Variants in KIF14 observed in about 807,000 individuals in gnomAD.
KIF14 encodes kinesin-like protein KIF14.
Under a neutral mutation model 176.2 loss-of-function variants are expected in KIF14, and 98 were observed. That is an observed-to-expected ratio of 0.56 (90% CI 0.47 to 0.66). The LOEUF (loss-of-function observed/expected upper bound fraction) is 0.66. KIF14 is among the 30% of genes least tolerant of loss of function. The pLI, the probability that KIF14 is intolerant of heterozygous loss-of-function variation, is 0.00. For synonymous variants in KIF14, 566 were observed against 632.2 expected (o/e 0.90, Z 1.57); for missense variants, 1,751 against 1,920.4 (o/e 0.91, Z 1.65).
At chr1:200,601,865 A>C in intron 11 of KIF14, 31 bp downstream of exon 11, 1 of 1,568,732 alleles carries the variant, frequency 6.4e-7, no homozygotes, top group Non-Finnish European at 8.7e-7. Context: ...ACTGTGGCAA[A>C]ACAATTTTTA....
rs946007225 is a variant in KIF14, at chr1:200,618,680, A to G, written c.44T>C (p.Ile15Thr). 3 of 1,612,630 alleles carry G rather than the reference A, an allele frequency of 1.9e-6. No homozygotes were observed. The highest frequency in any genetic ancestry group is 2.5e-6 in the Non-Finnish European group (3 of 1,179,678). Residue 15 changes from isoleucine (I) to threonine (T), a missense_variant, in exon 2 of 30, where the codon ATT becomes ACT. Ile to Thr is a moderately conservative substitution (Grantham distance 89). Coordinates refer to ENST00000367350, the MANE Select transcript of KIF14 (RefSeq NM_014875.3). Reference sequence around the variant, plus strand: ...ATTTTGGGAAGAAGGAATATCAAGAATATCACCGCTGTTATTTCTATTATG... The same window carrying G: ...ATTTTGGGAAGAAGGAATATCAAGAGTATCACCGCTGTTATTTCTATTATG... ...STHNRNNSGDILDIPSSQNSS... is the reference protein window; with the variant it reads ...STHNRNNSGDTLDIPSSQNSS...
At chr1:200,573,800 C>T (rs1657957875) in intron 22 of KIF14, among the ~76,000 whole-genome samples, 1 of 152,114 alleles carries the variant, frequency 6.6e-6, no homozygotes, top group Non-Finnish European at 1.5e-5. Flanking sequence ...AAGTCAAAAA[C>T]AAGGCTATAG....
At chr1:200,591,843 A>C (rs1001601196) in intron 16 of KIF14, among the ~76,000 whole-genome samples, 3 of 152,246 alleles carry the variant, frequency 2.0e-5, no homozygotes, top group Non-Finnish European at 4.4e-5. Flanking sequence ...GAATTCTTTC[A>C]GCACATGAGC....
At chr1:200,561,605 T>C (rs1315833322) in intron 25 of KIF14, among the ~76,000 whole-genome samples, 1 of 148,218 alleles carries the variant, frequency 6.7e-6, no homozygotes, top group Non-Finnish European at 1.5e-5. Context: ...CTGGAGAAAA[T>C]AAATTCTGCA....
In KIF14 at chr1:200,552,244, T is replaced by C. The variant is rs1424190035; in HGVS notation, c.*1144A>G. ...CATAGTTACAAAGTATCTCTTCAAATTATACATACTCTTGAGGTCAAAAAC... is the reference window on the plus strand; with the variant it reads ...CATAGTTACAAAGTATCTCTTCAAACTATACATACTCTTGAGGTCAAAAAC... On this transcript the variant is annotated 3_prime_UTR_variant, in exon 30 of 30. Transcript: ENST00000367350. 1 of 152,160 alleles carries C rather than the reference T, an allele frequency of 6.6e-6. No individual in the cohort carries two copies. 9.4% of individuals were successfully genotyped at this position (152,160 alleles called of 1,614,324 possible).
chr1:200,603,884 GC>G lies in KIF14; in HGVS notation c.1817del (p.Gly606AlafsTer15). 1 of 1,613,482 alleles carries G rather than the reference GC, an allele frequency of 6.2e-7. No homozygotes were observed. Among genetic ancestry groups the G allele is most frequent in the Non-Finnish European group, 8.5e-7 (1 of 1,179,492 alleles). On this transcript the variant is annotated frameshift_variant, in exon 9 of 30. Transcript: ENST00000367350. LOFTEE classifies it high-confidence loss of function. Reference protein sequence around the residue: ...TSRINLIDLAGSERCSTAHTN... With the variant: ...TSRINLIDLAXSERCSTAHTN... Reference sequence around the variant, plus strand: ...TGTGAGCCGTAGAGCAGCGCTCACTGCCTGCCAGATCTATTAGGTTAATTCG... The same window carrying G: ...TGTGAGCCGTAGAGCAGCGCTCACTGCTGCCAGATCTATTAGGTTAATTCG...
intron 21 of KIF14, among the ~76,000 whole-genome samples, chr1:200,576,210 G>A (rs1658092450): frequency 6.6e-6 from 1 of 152,044 alleles, no homozygotes; most frequent in South Asian, 2.1e-4. Context: ...CGGGCGCGGT[G>A]GCTCACGCCT....
intron 22 of KIF14, among the ~76,000 whole-genome samples, chr1:200,571,149 T>C (rs1411841008): frequency 6.6e-6 from 1 of 152,046 alleles, no homozygotes; most frequent in African/African-American, 2.4e-5. Flanking sequence ...CCTCAGCCTA[T>C]AAAAATGCCC....
rs77379604 is a variant in KIF14, at chr1:200,615,149, A to T, written c.1367+206T>A. On this transcript the variant is annotated intron_variant, in intron 3 of 29. Transcript: ENST00000367350. The stretch of plus-strand genomic sequence containing the variant: ...AAATGGGGCCAATGATAATTACAAG[A>T]TGAATTGTATCAAGGTAAATGTATA... 0.027 allele frequency among the ~76,000 whole-genome samples: 4,097 copies of T among 152,314 alleles called. 103 individuals are homozygous for T. Among genetic ancestry groups the T allele is most frequent in the Non-Finnish European group, 0.038 (2,571 of 68,040 alleles).
chr1:200,601,280 T>C (rs538749643), intron 11 of KIF14, among the ~76,000 whole-genome samples: 35 of 152,200 alleles, frequency 2.3e-4, no homozygotes, highest in Non-Finnish European at 5.0e-4. Context: ...GATTCTTCTC[T>C]GGCTCATACA....
intron 23 of KIF14, among the ~76,000 whole-genome samples, chr1:200,565,943 C>T (rs1042764039): frequency 1.3e-5 from 2 of 152,138 alleles, no homozygotes; most frequent in Non-Finnish European, 2.9e-5. Flanking sequence ...GAAACTACCC[C>T]TCTGCTGCTT....
In KIF14 at chr1:200,581,289, T is replaced by C. The variant is rs143851466; in HGVS notation, c.3247A>G (p.Thr1083Ala). Reference sequence around the variant, plus strand: ...GAGAGTTTCATAGAGCTCCAAGTTGTCTGCACTAATACAAAGCACACAGAA... The same window carrying C: ...GAGAGTTTCATAGAGCTCCAAGTTGCCTGCACTAATACAAAGCACACAGAA... The part of the protein sequence containing the change: ...NNRDKTFTVQ[T>A]TWSSMKLSMM... The change falls in exon 20 of 30, where the codon ACA becomes GCA. Residue 1083 changes from threonine (T) to alanine (A), a missense_variant. Physicochemically the swap from Thr to Ala is moderately conservative, Grantham distance 58. Transcript: ENST00000367350. The C allele has an allele frequency of 1.1e-5, 17 of 1,593,060 alleles. No individual in the cohort carries two copies. The African/African-American group carries it at 1.8e-4, about 17-fold the overall frequency.
intron 26 of KIF14, among the ~76,000 whole-genome samples, chr1:200,560,092 A>G (rs1657050898): frequency 6.6e-6 from 1 of 152,142 alleles, no homozygotes; most frequent in Non-Finnish European, 1.5e-5. Flanking sequence ...CAATGTTTTC[A>G]ATAGCATAAC....
intron 11 of KIF14, among the ~76,000 whole-genome samples, chr1:200,601,498 A>C (rs1200116899): frequency 1.3e-5 from 2 of 152,208 alleles, no homozygotes; most frequent in African/African-American, 4.8e-5. Flanking sequence ...TAGAAACTCG[A>C]GCTCCAATTG....
chr1:200,563,679 T>C (rs1001767155), intron 25 of KIF14, among the ~76,000 whole-genome samples: 1 of 152,184 alleles, frequency 6.6e-6, no homozygotes, highest in Non-Finnish European at 1.5e-5. Flanking sequence ...ATTATAGGCA[T>C]GAGCCACTGT....
At chr1:200,598,449 T>C (rs1471340790) in intron 13 of KIF14, 28 bp from the exon 14 acceptor site, 1 of 1,565,860 alleles carries the variant, frequency 6.4e-7, no homozygotes, top group Non-Finnish European at 8.7e-7. Flanking sequence ...AAGAAATTAA[T>C]CTTAATCACA....
In KIF14 at chr1:200,553,458, T is replaced by C. The variant is rs772741397; in HGVS notation, c.4877A>G (p.Tyr1626Cys). The change falls in exon 30 of 30, where the codon TAT becomes TGT. Residue 1626 changes from tyrosine to cysteine, a missense_variant. Coordinates refer to ENST00000367350, the MANE Select transcript of KIF14 (RefSeq NM_014875.3). ...TGCTGGGGATGAGCCATGGAGCTCA[T>C]AGACACGCTTTGGTACACCTTTATT... ...SKNKGVPKRV[Y>C]ELHGSSPAVS... The C allele has an allele frequency of 2.5e-6, 4 of 1,614,078 alleles. No individual in the cohort carries two copies. The highest frequency in any genetic ancestry group is 1.7e-5 in the Admixed American group (1 of 59,998).
intron 4 of KIF14, among the ~76,000 whole-genome samples, chr1:200,611,979 T>A (rs1448437881): frequency 6.6e-6 from 1 of 151,770 alleles, no homozygotes; most frequent in Non-Finnish European, 1.5e-5. Context: ...ATTCAAATAA[T>A]GTATCTCCAA....
At chr1:200,619,451 C>A (rs1660577343) in intron 1 of KIF14, among the ~76,000 whole-genome samples, 1 of 152,126 alleles carries the variant, frequency 6.6e-6, no homozygotes, top group South Asian at 2.1e-4. Context: ...CTCCTGTATT[C>A]AAGCAAATCT....
Sources: gnomAD v4.1 joint callset for allele counts (sites outside exome capture counted in the v4.1 genomes callset) on GRCh38, gnomAD v4.1.1 for gene constraint, MANE v1.5 for transcripts, NCBI Gene and HGNC (gene_info 2026-07-23, HGNC 2026-07-21) for gene names.